Variants in CACNA1C observed in about 807,000 individuals in gnomAD.
CACNA1C encodes calcium voltage-gated channel subunit alpha1 C.
CACNA1C carries 30 observed loss-of-function variants against 229.0 expected under a neutral mutation model. The ratio of observed to expected loss-of-function variants is 0.13; its 90% CI spans 0.10 to 0.18. The LOEUF is 0.18. Ranked by LOEUF, CACNA1C falls within the 10% of genes least tolerant of loss-of-function variation. The pLI, the probability that CACNA1C is intolerant of heterozygous loss-of-function variation, is 1.00. For synonymous variants in CACNA1C, 1,114 were observed against 1,132.5 expected (o/e 0.98, Z 0.33); for missense variants, 1,658 against 2,845.0 (o/e 0.58, Z 9.49).
chr12:2,173,380 T>A (rs2096553168), intron 3 of CACNA1C, among the ~76,000 whole-genome samples: 1 of 152,186 alleles, frequency 6.6e-6, no homozygotes, highest in African/African-American at 2.4e-5. Flanking sequence ...GTGCTTTTCT[T>A]ACCCCACAAG....
At chr12:2,324,468 C>T (rs2096187219) in intron 3 of CACNA1C, among the ~76,000 whole-genome samples, 1 of 152,200 alleles carries the variant, frequency 6.6e-6, no homozygotes, top group Admixed American at 6.5e-5. Context: ...TGTTTTTGTC[C>T]AAGACCATTG....
intron 3 of CACNA1C, among the ~76,000 whole-genome samples, chr12:2,197,629 A>G (rs1237915707): frequency 6.6e-6 from 1 of 152,212 alleles, no homozygotes; most frequent in Non-Finnish European, 1.5e-5. Context: ...AAAATCAGAA[A>G]TTTGACATTT....
chr12:2,389,418 G>T (rs1353016075), intron 3 of CACNA1C, among the ~76,000 whole-genome samples: 1 of 152,154 alleles, frequency 6.6e-6, no homozygotes, highest in Non-Finnish European at 1.5e-5. Context: ...ACAGTTTTGG[G>T]ATCAAGGGAT....
At chr12:2,072,242 A>C (rs1253826948) in intron 1 of CACNA1C, among the ~76,000 whole-genome samples, 7 of 152,094 alleles carry the variant, frequency 4.6e-5, no homozygotes, top group Non-Finnish European at 8.8e-5. Context: ...TGTGTCACCC[A>C]GGCTGGAGTG....
rs2083379050 is a variant in CACNA1C, at chr12:2,115,228, C to T, written c.54C>T (p.Ser18=). The T allele has an allele frequency of 2.6e-6, 4 of 1,560,314 alleles. No individual in the cohort carries two copies. The African/African-American group carries it at 4.1e-5, about 16-fold the overall frequency. ...TTCTTTTCTCTTTTGCCACAGGTTC[C>T]AACTATGGGAGCCCACGCCCCGCCC... The part of the protein sequence containing the change: ...MYIPEENHQG[S]NYGSPRPAHA... The change falls in exon 2 of 47, where the codon TCC becomes TCT. Residue 18 remains serine (S), a synonymous_variant. Transcript: ENST00000399655.
chr12:2,021,757 G>A (rs956202688), intron 1 of CACNA1C, among the ~76,000 whole-genome samples: 1 of 152,124 alleles, frequency 6.6e-6, no homozygotes, highest in African/African-American at 2.4e-5. Flanking sequence ...ATCTGGTGAA[G>A]GCTTTCTTAC....
At chr12:2,072,448 C>T (rs1206588838) in intron 1 of CACNA1C, among the ~76,000 whole-genome samples, 3 of 152,128 alleles carry the variant, frequency 2.0e-5, no homozygotes, top group Admixed American at 1.3e-4. Flanking sequence ...AATCCGCCCG[C>T]CTCGGCCTCC....
intron 3 of CACNA1C, among the ~76,000 whole-genome samples, chr12:2,164,471 C>A (rs1179558280): frequency 6.6e-6 from 1 of 152,190 alleles, no homozygotes; most frequent in Non-Finnish European, 1.5e-5. Context: ...ATTTCAAATT[C>A]AAAGTTCTGG....
chr12:2,577,472 G>A (rs991355679), intron 13 of CACNA1C, among the ~76,000 whole-genome samples: 1 of 152,240 alleles, frequency 6.6e-6, no homozygotes, highest in Non-Finnish European at 1.5e-5. Flanking sequence ...TTAGTTTGAT[G>A]CATGGTCTGG....
Position 2,649,884 on chromosome 12 carries a change from A to T in CACNA1C, c.3945+1377A>T, listed in dbSNP as rs2094756627. On this transcript the variant is annotated intron_variant, in intron 31 of 46. Transcript: ENST00000399655. The surrounding 1 kb of genome is among the most constrained non-coding windows in gnomAD (Gnocchi z 4.4). The stretch of plus-strand genomic sequence containing the variant: ...CTGCATACTCCTCTGGGGAAACACA[A>T]CCTCCTTTTAAGGAGTGAAAATAGA... Among the ~76,000 whole-genome samples the T allele has an allele frequency of 6.6e-6, 1 of 151,458 alleles. No homozygotes were observed. Among genetic ancestry groups the T allele is most frequent in the African/African-American group, 2.4e-5 (1 of 40,930 alleles).
chr12:2,065,302 G>C (rs1282573480), intron 1 of CACNA1C, among the ~76,000 whole-genome samples: 4 of 152,200 alleles, frequency 2.6e-5, no homozygotes, highest in Admixed American at 6.5e-5. Context: ...ATGCCCAGCT[G>C]TCTGAAAGAC....
chr12:2,629,148 A>G (rs1321053859), intron 29 of CACNA1C, among the ~76,000 whole-genome samples: 2 of 152,230 alleles, frequency 1.3e-5, no homozygotes, highest in African/African-American at 4.8e-5. Flanking sequence ...GACAACGGTG[A>G]TGACGAGATT....
intron 3 of CACNA1C, among the ~76,000 whole-genome samples, chr12:2,164,795 T>C (rs2096123005): frequency 6.6e-6 from 1 of 152,076 alleles, no homozygotes; most frequent in Admixed American, 6.5e-5. Context: ...AAACATGGAG[T>C]TAATGCCAGT....
intron 3 of CACNA1C, among the ~76,000 whole-genome samples, chr12:2,302,209 C>G (rs1442098779): frequency 2.0e-5 from 3 of 152,212 alleles, no homozygotes; most frequent in African/African-American, 7.2e-5. Context: ...CTCATTCTTG[C>G]TATTAACCCA....
intron 3 of CACNA1C, among the ~76,000 whole-genome samples, chr12:2,282,604 G>C (rs1434678718): frequency 1.3e-5 from 2 of 152,198 alleles, no homozygotes; most frequent in African/African-American, 4.8e-5. Flanking sequence ...ATCAGAGTCA[G>C]CTGTGCCTGC....
chr12:2,052,580 C>T (rs575913091), upstream of CACNA1C, among the ~76,000 whole-genome samples: 1 of 146,168 alleles, frequency 6.8e-6, no homozygotes, highest in African/African-American at 2.5e-5. Context: ...GGGCGCGACG[C>T]CGCCGGCGGG....
chr12:2,383,432 T>A (rs1373229837), intron 3 of CACNA1C, among the ~76,000 whole-genome samples: 5 of 152,134 alleles, frequency 3.3e-5, no homozygotes, highest in Non-Finnish European at 7.4e-5. Context: ...GAATGTGCCC[T>A]TTGTCCTTGG....
At chr12:2,395,505 A>G (rs955226571) in intron 3 of CACNA1C, among the ~76,000 whole-genome samples, 4 of 152,066 alleles carry the variant, frequency 2.6e-5, no homozygotes, top group Admixed American at 1.3e-4. Flanking sequence ...TTTTAACTGA[A>G]TAAAGGGAAA....
chr12:2,491,615 A>G (rs1281965204), intron 6 of CACNA1C, among the ~76,000 whole-genome samples: 1 of 151,140 alleles, frequency 6.6e-6, no homozygotes, highest in Non-Finnish European at 1.5e-5. Context: ...GTGGGAGAGA[A>G]AGAGAGGAGA....
Sources: allele counts gnomAD v4.1 joint callset (sites outside exome capture counted in the v4.1 genomes callset), GRCh38; gene constraint gnomAD v4.1.1; non-coding constraint Gnocchi (gnomAD v3.1); transcripts MANE v1.5; gene names NCBI Gene and HGNC (gene_info 2026-07-23, HGNC 2026-07-21).